GNE: variants seen among roughly 807,000 people sequenced by gnomAD.
GNE encodes bifunctional UDP-N-acetylglucosamine 2-epimerase/N-acetylmannosamine kinase.
GNE carries 41 observed loss-of-function variants against 61.8 expected under a neutral mutation model. That is an observed-to-expected ratio of 0.66 (90% CI 0.52 to 0.86). GNE has a LOEUF of 0.86. Among genes scored for constraint, GNE ranks in the 40% least tolerant of loss-of-function variants. The pLI is 0.00. For missense variants in GNE, 608 were observed against 909.1 expected, an observed-to-expected ratio of 0.67 and a Z score of 4.26; for synonymous variants, 264 against 326.4, an observed-to-expected ratio of 0.81 and a Z score of 2.06.
Position 36,240,234 on chromosome 9 carries a change from G to C in GNE, c.617-3250C>G, listed in dbSNP as rs189594985. On this transcript the variant is annotated intron_variant, in intron 3 of 11. Transcript: ENST00000642385. ...TGGTGAGAGTGGGCATCCTTGTCTT[G>C]TTCCAATTCTCAGAGGGAATGCTTT... Among the ~76,000 whole-genome samples, 444 of 152,192 alleles carry C rather than the reference G, an allele frequency of 2.9e-3. 2 individuals are homozygous for C. The highest frequency in any genetic ancestry group is 0.01 in the African/African-American group (430 of 41,516).
At chr9:36,268,881 G>C (rs994932606) in intron 1 of GNE, among the ~76,000 whole-genome samples, 1 of 152,048 alleles carries the variant, frequency 6.6e-6, no homozygotes, top group Non-Finnish European at 1.5e-5. Flanking sequence ...TATTATCCCA[G>C]CACTTTGGGA....
At chr9:36,257,585 C>G (rs1395449488) in intron 1 of GNE, among the ~76,000 whole-genome samples, 2 of 151,312 alleles carry the variant, frequency 1.3e-5, no homozygotes. Context: ...GGGCGGATCA[C>G]GAGGTCAGGA....
intron 1 of GNE, among the ~76,000 whole-genome samples, chr9:36,273,341 C>G (rs1000540824): frequency 6.6e-6 from 1 of 151,382 alleles, no homozygotes; most frequent in Non-Finnish European, 1.5e-5. Context: ...CTCAGCCTCC[C>G]AAATAGCTGG....
Position 36,218,636 on chromosome 9 carries a change from C to G in GNE, c.1817-337G>C, listed in dbSNP as rs1356283666. Among the ~76,000 whole-genome samples, 3 of 152,224 alleles carry G rather than the reference C, an allele frequency of 2.0e-5. No individual in the cohort carries two copies. In the East Asian group the frequency reaches 5.8e-4, roughly 29 times the overall value. On this transcript the variant is annotated intron_variant, in intron 10 of 11. Transcript: ENST00000642385. The surrounding 1 kb of genome is among the most constrained non-coding windows in gnomAD (Gnocchi z 4.1). ...AATTATCACCCTCCTCCCACATTCA[C>G]TCCTTCCTTACTCATCCCAGACACA...
upstream of GNE, among the ~76,000 whole-genome samples, chr9:36,262,365 C>G (rs145669641): frequency 3.0e-4 from 45 of 152,186 alleles, no homozygotes; most frequent in African/African-American, 1.1e-3. Flanking sequence ...TTCTTCTCTG[C>G]TTTCTTGAGA....
chr9:36,249,458 A>C, intron 1 of GNE, 61 bp from the exon 2 acceptor site: 1 of 1,050,150 alleles, frequency 9.5e-7, no homozygotes. Flanking sequence ...ACTAAACTTT[A>C]AACTTCTCTA....
In GNE at chr9:36,217,399, A is replaced by G. The variant is rs28937594; in HGVS notation, c.2135T>C (p.Met712Thr). ...VDPALLGAAS[M>T]VLDYTTRRIY ...CCTGCGTGTTGTGTAGTCCAGAACC[A>G]TGCTGGCAGCACCCAGCAGGGCGGG... is the stretch of plus-strand genomic sequence containing the variant. The change falls in exon 12 of 12, where the codon ATG becomes ACG. Residue 712 changes from methionine (M) to threonine (T), a missense_variant. Met to Thr is a moderately conservative substitution (Grantham distance 81). Coordinates refer to ENST00000642385, the MANE Select transcript of GNE (RefSeq NM_005476.7). The G allele has an allele frequency of 2.2e-5, 35 of 1,613,382 alleles. 1 individual carries two copies. In the Middle Eastern group the frequency reaches 2.6e-3, roughly 121 times the overall value.
At chr9:36,228,896 C>G in intron 6 of GNE, 125 bp downstream of exon 6, 2 of 747,352 alleles carry the variant, frequency 2.7e-6, no homozygotes, top group South Asian at 2.8e-5. Flanking sequence ...TCCCCAGCAA[C>G]TAGGGGCCCG....
chr9:36,252,685 G>A (rs947479937), intron 1 of GNE, among the ~76,000 whole-genome samples: 7 of 151,972 alleles, frequency 4.6e-5, no homozygotes, highest in African/African-American at 1.7e-4. Context: ...TTTAAGGGGA[G>A]GTTTTAAAAA....
intron 1 of GNE, among the ~76,000 whole-genome samples, chr9:36,270,539 A>G (rs1226684031): frequency 1.5e-5 from 2 of 134,032 alleles, no homozygotes; most frequent in African/African-American, 5.8e-5. Flanking sequence ...TTTTTTTGAG[A>G]CGGAGTCTCG....
chr9:36,223,300 G>A (rs1828692312), intron 8 of GNE, 73 bp downstream of exon 8: 1 of 1,326,500 alleles, frequency 7.5e-7, no homozygotes, highest in Non-Finnish European at 1.1e-6. Context: ...TTGATGCTCA[G>A]GCATGCATCA....
chr9:36,271,016 G>A (rs1167248221), intron 1 of GNE, among the ~76,000 whole-genome samples: 2 of 152,060 alleles, frequency 1.3e-5, no homozygotes, highest in East Asian at 1.9e-4. Flanking sequence ...TTCTTAAAAG[G>A]CTGCTTTCAT....
At chr9:36,260,598 G>C (rs576931374), upstream of GNE, among the ~76,000 whole-genome samples, 2 of 152,036 alleles carry the variant, frequency 1.3e-5, no homozygotes, top group African/African-American at 4.8e-5. Context: ...GGCCAGGCGC[G>C]GTGGCTCACG....
chr9:36,245,194 G>T (rs1364619485), intron 3 of GNE, among the ~76,000 whole-genome samples: 1 of 152,004 alleles, frequency 6.6e-6, no homozygotes, highest in Non-Finnish European at 1.5e-5. Flanking sequence ...AACCTGGGAG[G>T]TGGAGGTTGC....
At chr9:36,275,920 C>T (rs139054321) in intron 1 of GNE, among the ~76,000 whole-genome samples, 2 of 152,284 alleles carry the variant, frequency 1.3e-5, no homozygotes, top group East Asian at 3.9e-4. Context: ...CGCCTGTAAT[C>T]TCAGCACTTT....
intron 1 of GNE, among the ~76,000 whole-genome samples, chr9:36,257,308 CAAAGG>C (rs890835284): frequency 6.6e-6 from 1 of 151,968 alleles, no homozygotes; most frequent in African/African-American, 2.4e-5. Context: ...GGATGGGACT[CAAAGG>C]AATAAGAAGG....
chr9:36,228,900 G>T, intron 6 of GNE, 121 bp downstream of exon 6: 2 of 769,496 alleles, frequency 2.6e-6, no homozygotes, highest in Non-Finnish European at 4.8e-6. Context: ...CAGCAACTAG[G>T]GGCCCGTAGG....
rs1344485866 is a variant in GNE, at chr9:36,229,092, A to G, written c.999T>C (p.His333=). Residue 333 remains histidine, a synonymous_variant, in exon 6 of 12, where the codon CAT becomes CAC. Transcript: ENST00000642385. ...TGTCTTGGGTGTCAGCATCCCGGAC[A>G]TGAAGAACATTCTCCCCTAGGTAAA... is the stretch of plus-strand genomic sequence containing the variant. ...IGRETGENVL[H]VRDADTQDKI... The G allele has an allele frequency of 3.7e-6, 6 of 1,605,162 alleles. No individual in the cohort carries two copies. Among genetic ancestry groups the G allele is most frequent in the Non-Finnish European group, 5.1e-6 (6 of 1,171,970 alleles).
chr9:36,246,255 A>G lies in GNE; in HGVS notation c.392T>C (p.Leu131Pro). ...TSAALMNIRI[L>P]HIEGGEVSGT... is the part of the protein sequence containing the mutation. Reference sequence around the variant, plus strand: ...ACTGACTTCCCCACCTTCAATGTGAAGGATTCGGATGTTCATCAAGGCAGC... The same window carrying G: ...ACTGACTTCCCCACCTTCAATGTGAGGGATTCGGATGTTCATCAAGGCAGC... The change falls in exon 3 of 12, where the codon CTT (leucine) becomes CCT (proline). Residue 131 changes from leucine to proline, a missense_variant. Leu to Pro is a moderately conservative substitution (Grantham distance 98). Coordinates refer to ENST00000642385, the MANE Select transcript of GNE (RefSeq NM_005476.7). 6.2e-7 allele frequency: 1 copy of G among 1,614,164 alleles called. No homozygotes were observed. Among genetic ancestry groups the G allele is most frequent in the Non-Finnish European group, 8.5e-7 (1 of 1,180,004 alleles).
Sources: gnomAD v4.1 joint callset for allele counts (sites outside exome capture counted in the v4.1 genomes callset) on GRCh38, gnomAD v4.1.1 for gene constraint, Gnocchi (gnomAD v3.1) non-coding constraint, MANE v1.5 for transcripts, NCBI Gene and HGNC (gene_info 2026-07-23, HGNC 2026-07-21) for gene names.